Variants in CTBP2 observed in about 807,000 individuals in gnomAD.
The protein encoded by CTBP2 is C-terminal binding protein 2, also known as C-terminal-binding protein 2.
CTBP2 carries 30 observed loss-of-function variants against 80.3 expected under a neutral mutation model. The observed-to-expected ratio is 0.37, with a 90% CI of 0.28 to 0.51. CTBP2 has a LOEUF of 0.51. Ranked by LOEUF, CTBP2 falls within the 20% of genes least tolerant of loss-of-function variation. The probability of loss-of-function intolerance (pLI) is 0.93; values close to 1 mark genes in which losing one functional copy is unlikely to be tolerated. For synonymous variants in CTBP2, 594 were observed against 587.4 expected (o/e 1.01, Z -0.16); for missense variants, 1,212 against 1,375.3 (o/e 0.88, Z 1.88).
At chr10:125,078,764 C>T (rs1034199051) in intron 2 of CTBP2, among the ~76,000 whole-genome samples, 5 of 152,062 alleles carry the variant, frequency 3.3e-5, no homozygotes, top group African/African-American at 1.2e-4. Context: ...TTAATCTGAC[C>T]CTTACCAATA....
At chr10:125,074,305 A>G (rs1253996382) in intron 2 of CTBP2, among the ~76,000 whole-genome samples, 2 of 152,248 alleles carry the variant, frequency 1.3e-5, no homozygotes, top group African/African-American at 4.8e-5. Flanking sequence ...TGTCTGGTGC[A>G]CCATGAAGAC....
chr10:125,086,228 G>A (rs990145203), intron 2 of CTBP2, among the ~76,000 whole-genome samples: 1 of 152,142 alleles, frequency 6.6e-6, no homozygotes, highest in Non-Finnish European at 1.5e-5. Context: ...CGGGATTAGT[G>A]CCTGATGAAA....
chr10:125,120,471 G>A (rs893902881), intron 1 of CTBP2, among the ~76,000 whole-genome samples: 1 of 152,058 alleles, frequency 6.6e-6, no homozygotes, highest in Admixed American at 6.6e-5. Context: ...ACTGCAACTT[G>A]CACCTCCCAG....
At chr10:125,137,218 G>A (rs1255273506) in intron 1 of CTBP2, among the ~76,000 whole-genome samples, 2 of 152,268 alleles carry the variant, frequency 1.3e-5, no homozygotes, top group East Asian at 3.8e-4. Flanking sequence ...GAAGGATGCA[G>A]GAAGATGTCA....
In CTBP2 at chr10:125,143,028, T is replaced by G. The variant is rs114012994; in HGVS notation, c.-206+17291A>C. On this transcript the variant is annotated intron_variant, in intron 1 of 10. Transcript: ENST00000337195. ...CTTCAGCCTAACTCCAAACCTAATGTGGCCACCTCTGCCCACCCCAGCTCG... is the reference window on the plus strand; with the variant it reads ...CTTCAGCCTAACTCCAAACCTAATGGGGCCACCTCTGCCCACCCCAGCTCG... 6.3e-3 allele frequency among the ~76,000 whole-genome samples: 966 copies of G among 152,278 alleles called. 14 individuals carry two copies. The highest frequency in any genetic ancestry group is 0.022 in the African/African-American group (908 of 41,552).
Position 125,003,540 on chromosome 10 carries a change from C to A in CTBP2, c.1679-48G>T. 3 of 1,459,476 alleles carry A rather than the reference C, an allele frequency of 2.1e-6. No individual in the cohort carries two copies. In the Admixed American group the frequency reaches 7.2e-5, roughly 35 times the overall value. 90.4% of individuals were successfully genotyped at this position (1,459,476 alleles called of 1,614,324 possible). On this transcript the variant is annotated intron_variant, in intron 1 of 8. Coordinates refer to ENST00000309035, the MANE Select transcript of CTBP2 (RefSeq NM_022802.3). Reference sequence around the variant, plus strand: ...CACAGTGGGTGGGTGGCTGGGGCCACAGGGTGCGTGGAGGGGCAGCTCCCC... The same window carrying A: ...CACAGTGGGTGGGTGGCTGGGGCCAAAGGGTGCGTGGAGGGGCAGCTCCCC...
Position 124,988,372 on chromosome 10 carries a change from G to A in CTBP2, c.*1146C>T, listed in dbSNP as rs886192522. 1.3e-5 allele frequency: 2 copies of A among 152,540 alleles called. No individual in the cohort carries two copies. Among genetic ancestry groups the A allele is most frequent in the African/African-American group, 4.8e-5 (2 of 41,394 alleles). The allele number at this position is 152,540 out of a possible 1,614,324, so 9.4% of individuals were successfully genotyped here. On this transcript the variant is annotated 3_prime_UTR_variant, in exon 9 of 9. Coordinates refer to ENST00000309035, the MANE Select transcript of CTBP2 (RefSeq NM_022802.3). Reference sequence around the variant, plus strand: ...CTTTTTATTGAAAACTGCACTGAACGCTAAATGTCCACCTTTACAATAAAC... The same window carrying A: ...CTTTTTATTGAAAACTGCACTGAACACTAAATGTCCACCTTTACAATAAAC...
At chr10:125,017,731 A>C (rs953829150) in intron 1 of CTBP2, among the ~76,000 whole-genome samples, 1 of 152,222 alleles carries the variant, frequency 6.6e-6, no homozygotes, top group African/African-American at 2.4e-5. Flanking sequence ...CCGCAGTCGG[A>C]GCAGCTCAGA....
At chr10:125,121,973 G>A (rs1854403426) in intron 1 of CTBP2, among the ~76,000 whole-genome samples, 1 of 152,186 alleles carries the variant, frequency 6.6e-6, no homozygotes, top group South Asian at 2.1e-4. Context: ...CCAAACTCCA[G>A]ACCAACCTGC....
chr10:125,116,398 C>T (rs1479546777), intron 1 of CTBP2, among the ~76,000 whole-genome samples: 1 of 152,136 alleles, frequency 6.6e-6, no homozygotes, highest in Admixed American at 6.5e-5. Flanking sequence ...TCAAAATGGG[C>T]CCGTCACATG....
At chr10:124,990,965 A>G (rs1259792460) in intron 8 of CTBP2, among the ~76,000 whole-genome samples, 1 of 152,216 alleles carries the variant, frequency 6.6e-6, no homozygotes, top group African/African-American at 2.4e-5. Flanking sequence ...ATGCTACTCA[A>G]TTATGGCAGC....
chr10:124,998,976 T>C (rs892072644), intron 3 of CTBP2: 1 of 152,350 alleles, frequency 6.6e-6, no homozygotes, highest in African/African-American at 2.4e-5. Flanking sequence ...GGCCCTGCCA[T>C]TTACCCTCCT....
Position 125,140,476 on chromosome 10 carries a change from T to C in CTBP2, c.-206+19843A>G, listed in dbSNP as rs1262776079. On this transcript the variant is annotated intron_variant, in intron 1 of 10. Coordinates refer to the CTBP2 transcript ENST00000337195. ...ATTAGCAAATGCAGTGATCCCCACT[T>C]AACAATTTTATAAATTCCAAGACTC... Among the ~76,000 whole-genome samples the C allele has an allele frequency of 2.0e-5, 3 of 152,254 alleles. No homozygotes were observed. In the East Asian group the frequency reaches 5.8e-4, roughly 29 times the overall value.
At chr10:125,016,445 G>A (rs1161810142) in intron 1 of CTBP2, among the ~76,000 whole-genome samples, 8 of 152,326 alleles carry the variant, frequency 5.3e-5, no homozygotes, top group South Asian at 4.1e-4. Context: ...ACGTCCTCCC[G>A]CAAAAGGACC....
At chr10:125,112,262 G>GCCA (rs1215577421) in intron 1 of CTBP2, among the ~76,000 whole-genome samples, 1 of 151,504 alleles carries the variant, frequency 6.6e-6, no homozygotes, top group Non-Finnish European at 1.5e-5. Flanking sequence ...ACAGGCGCCT[G>GCCA]CCACCACACC....
intron 1 of CTBP2, among the ~76,000 whole-genome samples, chr10:125,148,481 C>G (rs1182275510): frequency 6.6e-6 from 1 of 152,192 alleles, no homozygotes; most frequent in African/African-American, 2.4e-5. Context: ...AAGTAAACTC[C>G]TTTTTAAGCT....
rs1203019617 is a variant in CTBP2, at chr10:125,066,733, T to TG, written c.-101-27579dup. Among the ~76,000 whole-genome samples the TG allele has an allele frequency of 2.0e-5, 3 of 152,204 alleles. No individual in the cohort carries two copies. The highest frequency in any genetic ancestry group is 6.5e-5 in the Admixed American group (1 of 15,280). On this transcript the variant is annotated intron_variant, in intron 2 of 10. Transcript: ENST00000337195. The surrounding 1 kb of genome is among the most constrained non-coding windows in gnomAD (Gnocchi z 4.1). ...GTACATCACCTGAGCCCTTCACACC[T>TG]GGGGGTTTCTTATCCATAAATGGAA...
intron 1 of CTBP2, among the ~76,000 whole-genome samples, chr10:125,131,153 G>A (rs1564995464): frequency 1.3e-5 from 2 of 152,200 alleles, no homozygotes; most frequent in African/African-American, 2.4e-5. Context: ...AGCCCGCAGA[G>A]TGCAGGCTGT....
chr10:125,009,025 G>A (rs961934635), intron 1 of CTBP2, among the ~76,000 whole-genome samples: 3 of 152,128 alleles, frequency 2.0e-5, no homozygotes, highest in Non-Finnish European at 4.4e-5. Flanking sequence ...CTAGCCAATC[G>A]GGACAAATAG....
Sources: allele counts gnomAD v4.1 joint callset (sites outside exome capture counted in the v4.1 genomes callset), GRCh38; gene constraint gnomAD v4.1.1; non-coding constraint Gnocchi (gnomAD v3.1); transcripts MANE v1.5; gene names NCBI Gene and HGNC (gene_info 2026-07-23, HGNC 2026-07-21).